Variants in FBLN1 observed in about 807,000 individuals in gnomAD.
The protein encoded by FBLN1 is fibulin 1.
In FBLN1, 34 loss-of-function variants were observed where a neutral mutation model predicts 89.7. The observed-to-expected ratio is 0.38, with a 90% confidence interval of 0.29 to 0.50. FBLN1 has a LOEUF of 0.50. Ranked by LOEUF, FBLN1 falls within the 20% of genes least tolerant of loss-of-function variation. The pLI is 0.92. For missense variants in FBLN1, 777 were observed against 988.1 expected, an observed-to-expected ratio of 0.79 and a Z score of 2.86; for synonymous variants, 393 against 391.3, an observed-to-expected ratio of 1.00 and a Z score of -0.05.
rs376342996 is a variant in FBLN1 at position 45,563,215 on chromosome 22, C to T, written c.1698-11296C>T. On this transcript the variant is annotated intron_variant, in intron 14 of 16. Transcript: ENST00000327858. This position sits in a 1 kb window ranked among gnomAD's most constrained non-coding sequence, Gnocchi z 5.7. Reference sequence around the variant, plus strand: ...AGATGGATCTCTCTCGCCACGGCACCGTCAGCTCCTTTGTGGCCAAGCTTT... The same window carrying T: ...AGATGGATCTCTCTCGCCACGGCACTGTCAGCTCCTTTGTGGCCAAGCTTT... 139 of 1,613,704 alleles carry T rather than the reference C, an allele frequency of 8.6e-5. No individual in the cohort carries two copies. Among genetic ancestry groups the T allele is most frequent in the Non-Finnish European group, 9.6e-5 (113 of 1,180,052 alleles).
At chr22:45,546,827 AG>A (rs1184349706) in intron 11 of FBLN1, among the ~76,000 whole-genome samples, 1 of 152,184 alleles carries the variant, frequency 6.6e-6, no homozygotes, top group Non-Finnish European at 1.5e-5. Context: ...GCAGACTTCC[AG>A]GGGCCAAGGC....
rs1226256719 is a variant in FBLN1 at position 45,537,105 on chromosome 22, G to A, written c.922+1768G>A. ...TCAGAGAGACTTTTTAGGAGAAGAG[G>A]TGAGGAATCCGAGCTACAGATCACA... On this transcript the variant is annotated intron_variant, in intron 8 of 16. Coordinates refer to ENST00000327858, the MANE Select transcript of FBLN1 (RefSeq NM_006486.3). This position sits in a 1 kb window ranked among gnomAD's most constrained non-coding sequence, Gnocchi z 5.7. Among the ~76,000 whole-genome samples the A allele has an allele frequency of 1.3e-5, 2 of 152,180 alleles. No homozygotes were observed. Among genetic ancestry groups the A allele is most frequent in the African/African-American group, 4.8e-5 (2 of 41,448 alleles).
At chr22:45,535,889 T>A (rs193231290) in intron 8 of FBLN1, among the ~76,000 whole-genome samples, 203 of 152,316 alleles carry the variant, frequency 1.3e-3, no homozygotes, top group African/African-American at 4.8e-3. Flanking sequence ...AAAATTATTT[T>A]AAAAAATACT....
chr22:45,540,331 G>T (rs1029291349), intron 8 of FBLN1, among the ~76,000 whole-genome samples: 1 of 152,198 alleles, frequency 6.6e-6, no homozygotes, highest in Non-Finnish European at 1.5e-5. Flanking sequence ...GTGCTCGAGA[G>T]CGGTCATGGA....
In FBLN1 at chr22:45,600,654, T is replaced by G; in HGVS notation, c.*208T>G. On this transcript the variant is annotated 3_prime_UTR_variant, in exon 17 of 17. Transcript: ENST00000327858. The stretch of plus-strand genomic sequence containing the variant: ...AAATGAGCCCAGTTGCTCAACTGTT[T>G]GGTTGAAAACCTTGCTCATTTTTTA... 3.1e-6 allele frequency: 2 copies of G among 641,336 alleles called. No homozygotes were observed. The highest frequency in any genetic ancestry group is 2.9e-5 in the East Asian group (1 of 35,064). The allele number at this position is 641,336 out of a possible 1,614,324, so 39.7% of individuals were successfully genotyped here.
chr22:45,532,002 G>A lies in FBLN1; in HGVS notation c.544+678G>A, dbSNP rs568109407. Among the ~76,000 whole-genome samples, 19 of 152,324 alleles carry A rather than the reference G, an allele frequency of 1.2e-4. No individual in the cohort carries two copies. Among genetic ancestry groups the A allele is most frequent in the African/African-American group, 2.9e-4 (12 of 41,580 alleles). On this transcript the variant is annotated intron_variant, in intron 5 of 16. Coordinates refer to ENST00000327858, the MANE Select transcript of FBLN1 (RefSeq NM_006486.3). The surrounding 1 kb of genome is among the most constrained non-coding windows in gnomAD (Gnocchi z 4.2). ...GTCTGCACATTTAACTAAGGGCCTC[G>A]CAGGTTTGTTTTTCATATGATAAAA...
rs2089036640 is a variant in FBLN1, at chr22:45,580,891, C to A, written c.1972+3783C>A. 6.6e-6 allele frequency among the ~76,000 whole-genome samples: 1 copy of A among 152,232 alleles called. No homozygotes were observed. The highest frequency in any genetic ancestry group is 2.1e-4 in the South Asian group (1 of 4,830). On this transcript the variant is annotated intron_variant, in intron 16 of 16. Coordinates refer to ENST00000327858, the MANE Select transcript of FBLN1 (RefSeq NM_006486.3). This position sits in a 1 kb window ranked among gnomAD's most constrained non-coding sequence, Gnocchi z 8.6. Reference sequence around the variant, plus strand: ...CCCGTTCTTAGCGGGGATCGAGGAGCCCGCAGCAGGGCCCGCGCCGTCGTC... The same window carrying A: ...CCCGTTCTTAGCGGGGATCGAGGAGACCGCAGCAGGGCCCGCGCCGTCGTC...
intron 2 of FBLN1, among the ~76,000 whole-genome samples, chr22:45,519,585 C>T (rs926658649): frequency 1.6e-4 from 23 of 142,810 alleles, no homozygotes; most frequent in African/African-American, 6.0e-4. Flanking sequence ...GATCGCGCCA[C>T]TGCATTTCAG....
intron 1 of FBLN1, chr22:45,518,454 G>A (rs570637830): frequency 3.3e-6 from 2 of 598,710 alleles, no homozygotes; most frequent in African/African-American, 3.6e-5. Flanking sequence ...GCTGGATTCA[G>A]ATGGGGGAGG....
At chr22:45,508,741 T>C (rs73445406) in intron 1 of FBLN1, among the ~76,000 whole-genome samples, 5,346 of 152,212 alleles carry the variant, frequency 0.035, 311 homozygotes, top group African/African-American at 0.12. Flanking sequence ...TTGCCCCCAC[T>C]TTATAGAATA....
At chr22:45,585,778 G>A (rs73444986) in intron 16 of FBLN1, among the ~76,000 whole-genome samples, 7,068 of 152,214 alleles carry the variant, frequency 0.046, 526 homozygotes, top group African/African-American at 0.16. Context: ...GGAGATGGAA[G>A]GAGAACACAC....
rs545983411 is a variant in FBLN1 at position 45,543,618 on chromosome 22, G to A, written c.1321+92G>A. On this transcript the variant is annotated intron_variant, in intron 11 of 16. Transcript: ENST00000327858. ...GCAGACCGGTTTGCAGCAGATCCGC[G>A]ATGGTTTCCCTGTTAAATGACATGT... 1.0e-5 allele frequency: 15 copies of A among 1,479,930 alleles called. 1 individual carries two copies. The South Asian group carries it at 1.7e-4, about 17-fold the overall frequency. The allele number at this position is 1,479,930 out of a possible 1,614,324, so 91.7% of individuals were successfully genotyped here.
chr22:45,526,158 A>T (rs999784489), intron 3 of FBLN1, among the ~76,000 whole-genome samples: 2 of 152,228 alleles, frequency 1.3e-5, no homozygotes, highest in Non-Finnish European at 1.5e-5. Context: ...CTAAAAGAGG[A>T]AACTGAGGTT....
In FBLN1 at chr22:45,574,752, C is replaced by A; in HGVS notation, c.1840+99C>A. The A allele has an allele frequency of 1.0e-6, 1 of 961,328 alleles. No homozygotes were observed. Among genetic ancestry groups the A allele is most frequent in the Non-Finnish European group, 1.6e-6 (1 of 639,198 alleles). The allele number at this position is 961,328 out of a possible 1,614,324, so 59.5% of individuals were successfully genotyped here. ...AGGAGTTGTTCCTTGTAAGATGTGG[C>A]CCAGGCTTTGAAATGCAGAACTTTC... On this transcript the variant is annotated intron_variant, in intron 15 of 16. Transcript: ENST00000327858. The surrounding 1 kb of genome is among the most constrained non-coding windows in gnomAD (Gnocchi z 4.1).
At chr22:45,534,704 A>G (rs470066) in intron 7 of FBLN1, among the ~76,000 whole-genome samples, 124,274 of 151,910 alleles carry the variant, frequency 0.82, 50,949 homozygotes, top group Middle Eastern at 0.86. Context: ...CCCAGTGGCC[A>G]AGCCAGCTGA....
intron 2 of FBLN1, among the ~76,000 whole-genome samples, chr22:45,522,611 G>A (rs2018072): frequency 0.5 from 75,883 of 152,110 alleles, 20,012 homozygotes; most frequent in East Asian, 0.82. Context: ...CAACAAGGAC[G>A]TGTTTGGGGT....
At chr22:45,598,141 T>G (rs129639) in intron 16 of FBLN1, among the ~76,000 whole-genome samples, 150,948 of 152,322 alleles carry the variant, frequency 0.99, 74,800 homozygotes, top group East Asian at 1. Flanking sequence ...ATTTCTCAAC[T>G]TGTGGTTGTG....
rs1470594634 is a variant in FBLN1 at position 45,574,944 on chromosome 22, G to A, written c.1840+291G>A. 6.6e-6 allele frequency among the ~76,000 whole-genome samples: 1 copy of A among 152,136 alleles called. No homozygotes were observed. The highest frequency in any genetic ancestry group is 6.5e-5 in the Admixed American group (1 of 15,296). On this transcript the variant is annotated intron_variant, in intron 15 of 16. Transcript: ENST00000327858. The surrounding 1 kb of genome is among the most constrained non-coding windows in gnomAD (Gnocchi z 4.1). The stretch of plus-strand genomic sequence containing the variant: ...CTACAGGCGCCCGCCACCACGCCTG[G>A]CTAATCTTTTTGTATTTTTAGTAAA...
rs1400903321 is a variant in FBLN1, at chr22:45,576,900, G to T, written c.1841-77G>T. The T allele has an allele frequency of 6.4e-7, 1 of 1,565,768 alleles. No homozygotes were observed. The highest frequency in any genetic ancestry group is 2.2e-5 in the East Asian group (1 of 44,602). ...GGTTAGGTCTTCATTCCCCAAGGGT[G>T]AGTTCCTGGGGACGAGGCTGGGACT... On this transcript the variant is annotated intron_variant, in intron 15 of 16. Transcript: ENST00000327858. This position sits in a 1 kb window ranked among gnomAD's most constrained non-coding sequence, Gnocchi z 5.2.
Sources: gnomAD v4.1 joint callset for allele counts (sites outside exome capture counted in the v4.1 genomes callset) on GRCh38, gnomAD v4.1.1 for gene constraint, Gnocchi (gnomAD v3.1) non-coding constraint, MANE v1.5 for transcripts, NCBI Gene and HGNC (gene_info 2026-07-23, HGNC 2026-07-21) for gene names.